GLIS3: variants seen among roughly 807,000 people sequenced by gnomAD.
The protein encoded by GLIS3 is GLIS family zinc finger 3, also known as zinc finger protein GLIS3.
A neutral mutation model predicts 78.6 loss-of-function variants in GLIS3; 53 were observed. The ratio of observed to expected loss-of-function variants is 0.67; its 90% confidence interval spans 0.54 to 0.85. The LOEUF (loss-of-function observed/expected upper bound fraction) is 0.85, where lower values mean the gene tolerates loss of function less well. Among genes scored for constraint, GLIS3 ranks in the 40% least tolerant of loss-of-function variants. The pLI is 0.00. For synonymous variants in GLIS3, 684 were observed against 509.9 expected (o/e 1.34, Z -4.60); for missense variants, 1,703 against 1,231.1 (o/e 1.38, Z -5.74).
chr9:4,475,113 C>A, the GLIS3 span, among the ~76,000 whole-genome samples: 1 of 151,292 alleles, frequency 6.6e-6, no homozygotes, highest in Non-Finnish European at 1.5e-5. Flanking sequence ...CCTTCCTCAG[C>A]CTCCTGAGTA....
chr9:4,370,790 C>A, the GLIS3 span, among the ~76,000 whole-genome samples: 1 of 151,792 alleles, frequency 6.6e-6, no homozygotes, highest in East Asian at 1.9e-4. Context: ...CCATTCTCAA[C>A]GTACATTGGA....
At chr9:4,101,561 C>T (rs921862994) in intron 4 of GLIS3, among the ~76,000 whole-genome samples, 3 of 152,078 alleles carry the variant, frequency 2.0e-5, no homozygotes, top group African/African-American at 7.2e-5. Flanking sequence ...AACACGTTAG[C>T]TAAACAATCT....
chr9:4,027,782 G>A (rs527653003), intron 4 of GLIS3, among the ~76,000 whole-genome samples: 5 of 152,250 alleles, frequency 3.3e-5, no homozygotes, highest in South Asian at 2.1e-4. Context: ...CCAGGCAGAC[G>A]AGGCATTCAG....
At chr9:4,396,920 GGAAAACGCCCAGGCACTGT>G in the GLIS3 span, among the ~76,000 whole-genome samples, 1 of 151,936 alleles carries the variant, frequency 6.6e-6, no homozygotes, top group Non-Finnish European at 1.5e-5. Flanking sequence ...GTGTTTTCTG[GGAAAACGCCCAGGCACTGT>G]TAACCTTTTC....
chr9:4,365,690 G>A, the GLIS3 span, among the ~76,000 whole-genome samples: 1 of 152,218 alleles, frequency 6.6e-6, no homozygotes, highest in Admixed American at 6.5e-5. Flanking sequence ...CTGAAAAACT[G>A]GATGACTACT....
chr9:4,178,292 T>C (rs1447901971), intron 2 of GLIS3, among the ~76,000 whole-genome samples: 2 of 152,074 alleles, frequency 1.3e-5, no homozygotes, highest in African/African-American at 4.8e-5. Flanking sequence ...CTAAGATACC[T>C]ACTTACTCTT....
chr9:4,072,733 A>G (rs1588604560), intron 4 of GLIS3, among the ~76,000 whole-genome samples: 1 of 143,104 alleles, frequency 7.0e-6, no homozygotes, highest in East Asian at 2.1e-4. Context: ...GGCTTTCTAA[A>G]GAGAACTGTT....
intron 1 of GLIS3, among the ~76,000 whole-genome samples, chr9:4,291,380 CTTTGT>C (rs988803846): frequency 7.2e-5 from 11 of 152,192 alleles, no homozygotes; most frequent in Non-Finnish European, 1.2e-4. Context: ...GAAACTCTGA[CTTTGT>C]TTTATCTGTC....
chr9:4,359,156 T>G, the GLIS3 span, among the ~76,000 whole-genome samples: 1 of 152,166 alleles, frequency 6.6e-6, no homozygotes, highest in Non-Finnish European at 1.5e-5. Context: ...ATTGCTGCAG[T>G]TGTTCCAGTA....
intron 6 of GLIS3, among the ~76,000 whole-genome samples, chr9:3,905,632 C>T (rs1823645903): frequency 6.6e-6 from 1 of 152,118 alleles, no homozygotes; most frequent in East Asian, 1.9e-4. Context: ...ACACAGTGGT[C>T]CCAGGGCCCC....
chr9:4,069,841 C>G (rs1383493760), intron 4 of GLIS3, among the ~76,000 whole-genome samples: 1 of 151,908 alleles, frequency 6.6e-6, no homozygotes, highest in African/African-American at 2.4e-5. Context: ...AAAACTAACT[C>G]CAAGGACACT....
intron 2 of GLIS3, among the ~76,000 whole-genome samples, chr9:4,177,705 G>T (rs558893124): frequency 3.3e-5 from 5 of 152,354 alleles, no homozygotes; most frequent in African/African-American, 1.2e-4. Flanking sequence ...AGTTTGGAAA[G>T]CCAGCATCCA....
intron 2 of GLIS3, among the ~76,000 whole-genome samples, chr9:4,266,219 G>T (rs149043470): frequency 6.6e-6 from 1 of 151,686 alleles, no homozygotes; most frequent in South Asian, 2.1e-4. Context: ...CGCCTGGCCC[G>T]CACTCACCCT....
At chr9:3,899,678 G>C (rs1339552469) in intron 6 of GLIS3, among the ~76,000 whole-genome samples, 1 of 152,052 alleles carries the variant, frequency 6.6e-6, no homozygotes, top group Admixed American at 6.5e-5. Context: ...TGTATAAATG[G>C]ATTTTATAAA....
At chr9:4,388,570 G>T in the GLIS3 span, among the ~76,000 whole-genome samples, 1 of 152,152 alleles carries the variant, frequency 6.6e-6, no homozygotes, top group African/African-American at 2.4e-5. Context: ...CAGCTACGCA[G>T]GAGGCTGAGG....
intron 4 of GLIS3, among the ~76,000 whole-genome samples, chr9:4,034,177 C>T (rs1416875995): frequency 1.3e-5 from 2 of 152,022 alleles, no homozygotes; most frequent in Admixed American, 1.3e-4. Flanking sequence ...TCAGTGATCA[C>T]ACCACTTGTG....
intron 2 of GLIS3, among the ~76,000 whole-genome samples, chr9:4,233,745 G>A (rs1822476591): frequency 6.6e-6 from 1 of 152,198 alleles, no homozygotes. Context: ...GCCAGGCATT[G>A]ACTTCTCCTC....
At chr9:4,421,155 T>C in the GLIS3 span, among the ~76,000 whole-genome samples, 3 of 152,204 alleles carry the variant, frequency 2.0e-5, no homozygotes, top group African/African-American at 4.8e-5. Context: ...ATAATCTACA[T>C]AGCAGTGGTC....
At chr9:4,241,562 A>T (rs1311700347) in intron 2 of GLIS3, among the ~76,000 whole-genome samples, 2 of 152,228 alleles carry the variant, frequency 1.3e-5, no homozygotes, top group Non-Finnish European at 2.9e-5. Flanking sequence ...TAAATTATAT[A>T]AATGTATTAT....
Sources: gnomAD v4.1 joint callset for allele counts (sites outside exome capture counted in the v4.1 genomes callset) on GRCh38, gnomAD v4.1.1 for gene constraint, MANE v1.5 for transcripts, NCBI Gene and HGNC (gene_info 2026-07-23, HGNC 2026-07-21) for gene names.